SLC22A14: variants seen among roughly 807,000 people sequenced by gnomAD.
SLC22A14 encodes solute carrier family 22 member 14, also known as organic cation transporter-like 4.
In SLC22A14, 50 loss-of-function variants were observed where a neutral mutation model predicts 53.9. That is an observed-to-expected ratio of 0.93 (90% CI 0.74 to 1.17). The LOEUF (loss-of-function observed/expected upper bound fraction) is 1.17. Ranked by LOEUF, SLC22A14 falls within the 50% of genes most tolerant of loss-of-function variation. The pLI is 0.00. For missense variants in SLC22A14, 671 were observed against 734.7 expected, an observed-to-expected ratio of 0.91 and a Z score of 1.00; for synonymous variants, 312 against 303.0, an observed-to-expected ratio of 1.03 and a Z score of -0.31.
intron 1 of SLC22A14, among the ~76,000 whole-genome samples, chr3:38,302,062 G>A (rs1018709151): frequency 3.3e-5 from 5 of 150,436 alleles, no homozygotes; most frequent in Admixed American, 6.6e-5. Flanking sequence ...GTGAAACCCC[G>A]TCTCTACTAA....
chr3:38,311,771 T>C (rs1704473875), intron 5 of SLC22A14, among the ~76,000 whole-genome samples: 1 of 152,234 alleles, frequency 6.6e-6, no homozygotes. Flanking sequence ...ATCTGAGACC[T>C]CATCAGAATG....
intron 5 of SLC22A14, among the ~76,000 whole-genome samples, chr3:38,309,432 G>T (rs1364887564): frequency 6.6e-6 from 1 of 152,168 alleles, no homozygotes; most frequent in Non-Finnish European, 1.5e-5. Flanking sequence ...GGGTGATGCT[G>T]GGAAAGGGTC....
rs1704307599 is a variant in SLC22A14, at chr3:38,306,435, G to A, written c.409G>A (p.Val137Met). 1 of 1,614,056 alleles carries A rather than the reference G, an allele frequency of 6.2e-7. No individual in the cohort carries two copies. Among genetic ancestry groups the A allele is most frequent in the Non-Finnish European group, 8.5e-7 (1 of 1,180,044 alleles). The change falls in exon 2 of 11, where the codon GTG (valine) becomes ATG (methionine). Residue 137 changes from valine (V) to methionine (M), a missense_variant. Val to Met is a conservative substitution (Grantham distance 21). Transcript: ENST00000448498. ...CCTGACATGCTTCATGTACCTTCCTGTGCCTTGGAATCTGGATTCTATCAT... is the reference window on the plus strand; with the variant it reads ...CCTGACATGCTTCATGTACCTTCCTATGCCTTGGAATCTGGATTCTATCAT... ...SFLTCFMYLP[V>M]PWNLDSIIQF...
chr3:38,307,070 G>A lies in SLC22A14; in HGVS notation c.517-184G>A, dbSNP rs1704325234. On this transcript the variant is annotated intron_variant, in intron 2 of 10. Coordinates refer to ENST00000448498, the MANE Select transcript of SLC22A14 (RefSeq NM_001320033.2). This position sits in a 1 kb window ranked among gnomAD's most constrained non-coding sequence, Gnocchi z 4.4. ...CACTCTCTCCAGGCCCAGCTCTCAG[G>A]GTGGAGCAGGTGCCAGAGGGGTTGC... Among the ~76,000 whole-genome samples, 1 of 152,162 alleles carries A rather than the reference G, an allele frequency of 6.6e-6. No individual in the cohort carries two copies. The highest frequency in any genetic ancestry group is 2.4e-5 in the African/African-American group (1 of 41,434).
In SLC22A14 at chr3:38,313,476, G is replaced by A. The variant is rs769369807; in HGVS notation, c.1154G>A (p.Ser385Asn). 89 of 1,609,822 alleles carry A rather than the reference G, an allele frequency of 5.5e-5. No individual in the cohort carries two copies. Among genetic ancestry groups the A allele is most frequent in the Non-Finnish European group, 6.9e-5 (81 of 1,176,206 alleles). Reference sequence around the variant, plus strand: ...CTCTGCAAGGTGACCTTGGTGATGAGCTGTGTGTGGTGAGTATCCAGGGCT... The same window carrying A: ...CTCTGCAAGGTGACCTTGGTGATGAACTGTGTGTGGTGAGTATCCAGGGCT... ...RQLCKVTLVM[S>N]CVWFTVSYTY... Residue 385 changes from serine (S) to asparagine (N), a missense_variant, in exon 7 of 11, where the codon AGC (serine) becomes AAC (asparagine). Ser to Asn is a conservative substitution (Grantham distance 46). Coordinates refer to ENST00000448498, the MANE Select transcript of SLC22A14 (RefSeq NM_001320033.2).
intron 1 of SLC22A14, among the ~76,000 whole-genome samples, chr3:38,297,984 A>AT (rs1250755864): frequency 1.3e-5 from 2 of 151,936 alleles, no homozygotes; most frequent in Admixed American, 1.3e-4. Context: ...AATTTTCATC[A>AT]TTTTTTCTAC....
At position 38,304,297 on chromosome 3, in the gene SLC22A14, A is replaced by G. The variant is rs548362826; in HGVS notation, c.1-1730A>G. Among the ~76,000 whole-genome samples the G allele has an allele frequency of 2.6e-5, 4 of 152,200 alleles. 1 individual carries two copies. In the South Asian group the frequency reaches 8.3e-4, roughly 32 times the overall value. On this transcript the variant is annotated intron_variant, in intron 1 of 10. Transcript: ENST00000448498. ...ATTTTACCCTAGTTCTTGACAGACA[A>G]TTTTGCTGGGTATACAATTCTATGT...
chr3:38,291,920 C>G (rs1225589178), intron 1 of SLC22A14, among the ~76,000 whole-genome samples: 1 of 152,236 alleles, frequency 6.6e-6, no homozygotes, highest in Admixed American at 6.5e-5. Flanking sequence ...TGCCAAGGAA[C>G]TCCCTTAGTT....
intron 1 of SLC22A14, among the ~76,000 whole-genome samples, chr3:38,288,858 T>C (rs1440134279): frequency 1.3e-5 from 2 of 152,116 alleles, no homozygotes; most frequent in African/African-American, 2.4e-5. Context: ...AAAAATCGTC[T>C]TAGTTTGAAA....
intron 1 of SLC22A14, among the ~76,000 whole-genome samples, chr3:38,288,799 A>G (rs2125871676): frequency 6.6e-6 from 1 of 152,256 alleles, no homozygotes; most frequent in South Asian, 2.1e-4. Flanking sequence ...ATTGTTCCTA[A>G]TCTATATTTC....
intron 10 of SLC22A14, among the ~76,000 whole-genome samples, chr3:38,317,112 G>A (rs760869895): frequency 7.2e-5 from 11 of 152,166 alleles, no homozygotes; most frequent in Non-Finnish European, 1.3e-4. Flanking sequence ...CTGGGTTTTC[G>A]GCCAATGAAC....
At chr3:38,291,425 A>G (rs1703911532) in intron 1 of SLC22A14, among the ~76,000 whole-genome samples, 1 of 152,240 alleles carries the variant, frequency 6.6e-6, no homozygotes, top group Non-Finnish European at 1.5e-5. Context: ...TTCAAGTAAT[A>G]GAGGCTGATA....
At chr3:38,284,549 A>T (rs1315146074) in intron 1 of SLC22A14, among the ~76,000 whole-genome samples, 1 of 152,250 alleles carries the variant, frequency 6.6e-6, no homozygotes, top group Non-Finnish European at 1.5e-5. Context: ...GGGAATGTGC[A>T]GGGATCTTGG....
chr3:38,311,589 T>C (rs1704468556), intron 5 of SLC22A14, among the ~76,000 whole-genome samples: 1 of 152,086 alleles, frequency 6.6e-6, no homozygotes, highest in African/African-American at 2.4e-5. Context: ...AGAGAAGCCA[T>C]ACCACACCCT....
intron 1 of SLC22A14, among the ~76,000 whole-genome samples, chr3:38,292,023 T>C (rs1703924263): frequency 6.6e-6 from 1 of 152,238 alleles, no homozygotes; most frequent in Admixed American, 6.5e-5. Context: ...TAGCCTTAAG[T>C]ATTTAACCTG....
chr3:38,317,484 A>G (rs1704654779), intron 10 of SLC22A14, among the ~76,000 whole-genome samples: 1 of 152,228 alleles, frequency 6.6e-6, no homozygotes, highest in Non-Finnish European at 1.5e-5. Context: ...GTTGGAGAAA[A>G]TGTCACAGTG....
chr3:38,301,110 C>T lies in SLC22A14; in HGVS notation c.1-4917C>T, dbSNP rs372729027. Reference sequence around the variant, plus strand: ...CTGGGATTACAGGCATGAGCCACTGCACCTGGCCTCAAACACTCTTAATGG... The same window carrying T: ...CTGGGATTACAGGCATGAGCCACTGTACCTGGCCTCAAACACTCTTAATGG... On this transcript the variant is annotated intron_variant, in intron 1 of 10. Transcript: ENST00000448498. Among the ~76,000 whole-genome samples, 4 of 152,148 alleles carry T rather than the reference C, an allele frequency of 2.6e-5. No homozygotes were observed. The South Asian group carries it at 8.3e-4, about 32-fold the overall frequency.
At chr3:38,284,401 G>A (rs769426545) in intron 1 of SLC22A14, among the ~76,000 whole-genome samples, 6 of 152,190 alleles carry the variant, frequency 3.9e-5, no homozygotes, top group East Asian at 1.9e-4. Flanking sequence ...TAGATTTGGC[G>A]AATGCAGCTC....
At chr3:38,308,063 A>G (rs895003558) in intron 4 of SLC22A14, 1 of 310,216 alleles carries the variant, frequency 3.2e-6, no homozygotes, top group Admixed American at 4.7e-5. Flanking sequence ...TACTCTTTGC[A>G]TACCCCCAAG....
Sources: allele counts gnomAD v4.1 joint callset (sites outside exome capture counted in the v4.1 genomes callset), GRCh38; gene constraint gnomAD v4.1.1; non-coding constraint Gnocchi (gnomAD v3.1); transcripts MANE v1.5; gene names NCBI Gene and HGNC (gene_info 2026-07-23, HGNC 2026-07-21).